Variants in ABI1 observed in about 807,000 individuals in gnomAD.
ABI1 encodes the protein abl interactor 1.
A neutral mutation model predicts 54.6 loss-of-function variants in ABI1; 14 were observed. That is an observed-to-expected ratio of 0.26 (90% CI 0.17 to 0.40). The LOEUF is 0.40. Among genes scored for constraint, ABI1 ranks in the 10% least tolerant of loss-of-function variants. The pLI is 1.00. For synonymous variants in ABI1, 194 were observed against 209.3 expected (o/e 0.93, Z 0.63); for missense variants, 443 against 598.3 (o/e 0.74, Z 2.71).
intron 1 of ABI1, among the ~76,000 whole-genome samples, chr10:26,827,669 T>C (rs1031099206): frequency 2.7e-5 from 4 of 150,170 alleles, no homozygotes; most frequent in Admixed American, 1.3e-4. Flanking sequence ...CTCGGCTCAC[T>C]GCAAACTCTG....
intron 3 of ABI1, 24 bp downstream of exon 3, chr10:26,777,041 G>T: frequency 6.5e-7 from 1 of 1,534,422 alleles, no homozygotes; most frequent in Non-Finnish European, 8.7e-7. Flanking sequence ...AAATTAGCTT[G>T]TTAATGTAAT....
At chr10:26,757,291 C>A (rs1334581639) in intron 8 of ABI1, among the ~76,000 whole-genome samples, 2 of 152,074 alleles carry the variant, frequency 1.3e-5, no homozygotes, top group Non-Finnish European at 2.9e-5. Context: ...TATTTAAAAT[C>A]TGAGGCCAAA....
chr10:26,858,753 A>T (rs191270510), intron 1 of ABI1, among the ~76,000 whole-genome samples: 105 of 152,250 alleles, frequency 6.9e-4, no homozygotes, highest in Admixed American at 4.3e-3. Flanking sequence ...AAGCATTACA[A>T]CATACAACTA....
chr10:26,860,932 G>A lies in ABI1; in HGVS notation c.-69C>T, dbSNP rs1315242985. 2.8e-6 allele frequency: 4 copies of A among 1,435,980 alleles called. No individual in the cohort carries two copies. Among genetic ancestry groups the A allele is most frequent in the East Asian group, 4.5e-5 (2 of 44,028 alleles). The allele number at this position is 1,435,980 out of a possible 1,614,324, so 89.0% of individuals were successfully genotyped here. On this transcript the variant is annotated 5_prime_UTR_variant, in exon 1 of 11. Coordinates refer to ENST00000376140, the MANE Select transcript of ABI1 (RefSeq NM_001012750.3). This position sits in a 1 kb window ranked among gnomAD's most constrained non-coding sequence, Gnocchi z 4.1. ...AGGCAGCAAGGTCCGCCGAGGCTCC[G>A]AGCACCTCACAGCCCGGATACAAAC...
chr10:26,778,500 A>G (rs1053574691), intron 2 of ABI1, among the ~76,000 whole-genome samples: 2 of 135,834 alleles, frequency 1.5e-5, no homozygotes, highest in African/African-American at 6.0e-5. Flanking sequence ...AGGAAAAAGA[A>G]AAAAAAAAAA....
intron 1 of ABI1, among the ~76,000 whole-genome samples, chr10:26,859,922 A>C (rs2051155396): frequency 6.6e-6 from 1 of 152,148 alleles, no homozygotes; most frequent in African/African-American, 2.4e-5. Context: ...GTGTTTGATA[A>C]TTAATGATAG....
chr10:26,761,661 T>TATATACACACAC (rs1375832167), intron 7 of ABI1, among the ~76,000 whole-genome samples: 142 of 78,846 alleles, frequency 1.8e-3, no homozygotes, highest in Non-Finnish European at 2.6e-3. Context: ...TATATATATA[T>TATATACACACAC]ACACACACAC....
chr10:26,782,191 C>A (rs757292881), intron 2 of ABI1, among the ~76,000 whole-genome samples: 35 of 152,274 alleles, frequency 2.3e-4, no homozygotes, highest in Admixed American at 7.8e-4. Context: ...AATCTGTGTC[C>A]TATTTTTACT....
At chr10:26,777,333 AGGGCTGTACACCATAT>A in intron 2 of ABI1, 92 bp from the exon 3 acceptor site, 1 of 892,328 alleles carries the variant, frequency 1.1e-6, no homozygotes, top group Non-Finnish European at 1.7e-6. Context: ...GACAGACCAC[AGGGCTGTACACCATAT>A]GTCTATTTTC....
intron 1 of ABI1, among the ~76,000 whole-genome samples, chr10:26,841,096 G>A (rs1345598375): frequency 1.3e-5 from 2 of 152,158 alleles, no homozygotes; most frequent in African/African-American, 2.4e-5. Context: ...TACAATAGCA[G>A]AGTTGAGTAA....
chr10:26,813,242 C>T (rs1190269175), intron 2 of ABI1, among the ~76,000 whole-genome samples: 3 of 149,946 alleles, frequency 2.0e-5, no homozygotes, highest in African/African-American at 7.4e-5. Flanking sequence ...GAGCAAGATT[C>T]CATCCCCCCG....
At chr10:26,834,287 T>G (rs932007039) in intron 1 of ABI1, among the ~76,000 whole-genome samples, 1 of 151,850 alleles carries the variant, frequency 6.6e-6, no homozygotes, top group African/African-American at 2.4e-5. Context: ...TCAATAAAAA[T>G]GACAACCTCA....
Position 26,816,185 on chromosome 10 carries a change from A to G in ABI1, c.285+6953T>C, listed in dbSNP as rs1171996536. Among the ~76,000 whole-genome samples the G allele has an allele frequency of 3.3e-5, 5 of 152,260 alleles. No individual in the cohort carries two copies. In the East Asian group the frequency reaches 9.6e-4, roughly 29 times the overall value. The stretch of plus-strand genomic sequence containing the variant: ...GACATTTTACAAAACTGGGTATCAA[A>G]GAGAGAACTGGCCAACAAAGATGAA... On this transcript the variant is annotated intron_variant, in intron 2 of 10. Coordinates refer to ENST00000376140, the MANE Select transcript of ABI1 (RefSeq NM_001012750.3).
intron 6 of ABI1, among the ~76,000 whole-genome samples, chr10:26,768,538 C>T (rs1180225512): frequency 3.3e-5 from 4 of 122,126 alleles, no homozygotes; most frequent in Non-Finnish European, 5.3e-5. Flanking sequence ...AACTCCGTCA[C>T]AAAAAAAAAA....
intron 2 of ABI1, among the ~76,000 whole-genome samples, chr10:26,820,797 A>AG (rs2047926044): frequency 6.6e-6 from 1 of 151,416 alleles, no homozygotes; most frequent in Admixed American, 6.6e-5. Flanking sequence ...CATCTTGGTC[A>AG]GGCTGGTCTT....
At chr10:26,761,218 G>T (rs536363090) in intron 7 of ABI1, among the ~76,000 whole-genome samples, 1 of 151,956 alleles carries the variant, frequency 6.6e-6, no homozygotes, top group Admixed American at 6.6e-5. Flanking sequence ...GATTACAGGT[G>T]TGAGTCACCA....
chr10:26,768,683 G>A (rs1002356244), intron 6 of ABI1, among the ~76,000 whole-genome samples, 169 bp downstream of exon 6: 2 of 151,988 alleles, frequency 1.3e-5, no homozygotes, highest in African/African-American at 4.8e-5. Context: ...CAAAACAGAA[G>A]TTATAACACA....
intron 7 of ABI1, among the ~76,000 whole-genome samples, chr10:26,761,616 TCATATATATATATATATATATA>T: frequency 1.8e-5 from 1 of 56,590 alleles, no homozygotes; most frequent in African/African-American, 8.7e-5. Context: ...ATAGTTTTTG[TCATATATATATATATATATATA>T]TATATATATA....
chr10:26,849,709 G>C (rs2050247252), intron 1 of ABI1, among the ~76,000 whole-genome samples: 1 of 152,158 alleles, frequency 6.6e-6, no homozygotes, highest in South Asian at 2.1e-4. Context: ...AAGCTTTCAA[G>C]CAAAAACTGG....
Sources: allele counts gnomAD v4.1 joint callset (sites outside exome capture counted in the v4.1 genomes callset), GRCh38; gene constraint gnomAD v4.1.1; non-coding constraint Gnocchi (gnomAD v3.1); transcripts MANE v1.5; gene names NCBI Gene and HGNC (gene_info 2026-07-23, HGNC 2026-07-21).